Variants in EXOC2 observed in about 807,000 individuals in gnomAD.
EXOC2 encodes the protein SEC5-like 1.
Under a neutral mutation model 131.8 loss-of-function variants are expected in EXOC2, and 70 were observed. The observed-to-expected ratio is 0.53, with a 90% confidence interval of 0.44 to 0.65. The LOEUF (loss-of-function observed/expected upper bound fraction) is 0.65, where lower values mean the gene tolerates loss of function less well. Among genes scored for constraint, EXOC2 ranks in the 30% least tolerant of loss-of-function variants. EXOC2 has a pLI of 0.00. For missense variants in EXOC2, 923 were observed against 1,108.6 expected (o/e 0.83, Z 2.38); for synonymous variants, 411 against 398.4 (o/e 1.03, Z -0.38).
chr6:625,334 C>T (rs1314575369), intron 4 of EXOC2, among the ~76,000 whole-genome samples: 3 of 152,232 alleles, frequency 2.0e-5, no homozygotes, highest in Non-Finnish European at 2.9e-5. Flanking sequence ...TGTTATTCCG[C>T]GCTTGCGGCA....
At chr6:501,676 A>ATG (rs1764208373) in intron 23 of EXOC2, among the ~76,000 whole-genome samples, 1 of 119,822 alleles carries the variant, frequency 8.3e-6, no homozygotes, top group African/African-American at 3.2e-5. Context: ...TATAAAAGAT[A>ATG]TATATATCTA....
In EXOC2 at chr6:488,170, T is replaced by C. The variant is rs761282247; in HGVS notation, c.2681+809A>G. On this transcript the variant is annotated intron_variant, in intron 27 of 27. Transcript: ENST00000230449. ...ATGGTGGAAGGGCTGGTCTGCTGCC[T>C]GCTCTGTGCGTCGATGCCATGTGAC... 5.6e-4 allele frequency among the ~76,000 whole-genome samples: 85 copies of C among 152,286 alleles called. 1 individual carries two copies. Among genetic ancestry groups the C allele is most frequent in the Non-Finnish European group, 1.0e-3 (70 of 68,018 alleles).
intron 11 of EXOC2, among the ~76,000 whole-genome samples, chr6:580,046 T>TGG (rs1472236453): frequency 2.3e-5 from 2 of 85,124 alleles, no homozygotes; most frequent in Admixed American, 1.6e-4. Flanking sequence ...GCAGTTTTTT[T>TGG]TGTTTTTTTT....
At chr6:656,989 C>T (rs375336054) in intron 1 of EXOC2, 43 of 1,456,654 alleles carry the variant, frequency 3.0e-5, no homozygotes, top group Non-Finnish European at 3.1e-5. Flanking sequence ...GGGGATTCCG[C>T]GTGCCACAAG....
At chr6:627,630 G>A (rs1312222954) in intron 4 of EXOC2, among the ~76,000 whole-genome samples, 2 of 152,184 alleles carry the variant, frequency 1.3e-5, no homozygotes, top group African/African-American at 4.8e-5. Flanking sequence ...CTCCGAGACG[G>A]AGTGACGGTC....
chr6:637,946 A>G, intron 1 of EXOC2, 85 bp from the exon 2 acceptor site: 1 of 863,678 alleles, frequency 1.2e-6, no homozygotes, highest in South Asian at 1.6e-5. Context: ...AGTCAGTACC[A>G]AAATATAAAA....
At chr6:545,367 G>A (rs757723157) in intron 22 of EXOC2, among the ~76,000 whole-genome samples, 10 of 152,012 alleles carry the variant, frequency 6.6e-5, no homozygotes, top group Admixed American at 4.6e-4. Context: ...AAAATTATAC[G>A]CTGAAGTTTA....
At chr6:505,745 A>G (rs879628106) in intron 23 of EXOC2, among the ~76,000 whole-genome samples, 1 of 152,238 alleles carries the variant, frequency 6.6e-6, no homozygotes, top group Non-Finnish European at 1.5e-5. Context: ...TCCACAGCAC[A>G]GGGATCATCT....
rs781253542 is a variant in EXOC2 at position 486,679 on chromosome 6, T to G, written c.2767A>C (p.Lys923Gln). The G allele has an allele frequency of 6.2e-7, 1 of 1,613,994 alleles. No individual in the cohort carries two copies. Among genetic ancestry groups the G allele is most frequent in the Admixed American group, 1.7e-5 (1 of 60,010 alleles). Residue 923 changes from lysine (K) to glutamine (Q), a missense_variant, in exon 28 of 28, where the codon AAA becomes CAA. Coordinates refer to ENST00000230449, the MANE Select transcript of EXOC2 (RefSeq NM_018303.6). ...TTTTATGTGGCAGATATTTATGTTTTCATCATGGTTGAAGAAGCTGCTTGG... is the reference window on the plus strand; with the variant it reads ...TTTTATGTGGCAGATATTTATGTTTGCATCATGGTTGAAGAAGCTGCTTGG... ...CFQAASSTMM[K>Q]T
intron 1 of EXOC2, among the ~76,000 whole-genome samples, chr6:673,150 T>C (rs1763947544): frequency 6.7e-6 from 1 of 150,194 alleles, no homozygotes; most frequent in Non-Finnish European, 1.5e-5. Context: ...GGATACCGGC[T>C]ACTCATGAGG....
chr6:513,396 A>G (rs954823193), intron 23 of EXOC2, among the ~76,000 whole-genome samples: 15 of 152,278 alleles, frequency 9.9e-5, no homozygotes, highest in African/African-American at 3.6e-4. Context: ...CAAACCAAGG[A>G]GGAAAATGAG....
At chr6:618,261 A>G (rs74594650) in intron 5 of EXOC2, among the ~76,000 whole-genome samples, 16,603 of 152,266 alleles carry the variant, frequency 0.11, 1,146 homozygotes, top group Middle Eastern at 0.16. Flanking sequence ...AGCATTGTGG[A>G]ACACTAAGCA....
intron 22 of EXOC2, among the ~76,000 whole-genome samples, chr6:540,677 G>A (rs569866022): frequency 1.3e-5 from 2 of 152,228 alleles, no homozygotes; most frequent in South Asian, 4.2e-4. Context: ...GAAGAATAGA[G>A]TGAGAAGGTC....
rs1423933460 is a variant in EXOC2, at chr6:486,558, AAG to A, written c.*111_*112del. The A allele has an allele frequency of 9.4e-6, 9 of 956,864 alleles. No homozygotes were observed. The African/African-American group carries it at 9.9e-5, about 11-fold the overall frequency. The allele number at this position is 956,864 out of a possible 1,614,324, so 59.3% of individuals were successfully genotyped here. A position where few individuals can be genotyped will look rare whatever the true frequency, so the allele number is the denominator to read the frequency against. ...AATTTTCGAAGTCAGAGGAAGAAAA[AAG>A]AGAAAAATGGCAAACCCAATGTTTA... On this transcript the variant is annotated 3_prime_UTR_variant, in exon 28 of 28. Coordinates refer to ENST00000230449, the MANE Select transcript of EXOC2 (RefSeq NM_018303.6).
intron 17 of EXOC2, among the ~76,000 whole-genome samples, chr6:558,470 T>C (rs1207393669): frequency 6.6e-6 from 1 of 152,212 alleles, no homozygotes; most frequent in Non-Finnish European, 1.5e-5. Context: ...TGATAATTAT[T>C]ACTATAATAT....
chr6:516,935 G>A (rs1031994436), intron 23 of EXOC2, among the ~76,000 whole-genome samples: 1 of 152,206 alleles, frequency 6.6e-6, no homozygotes, highest in Non-Finnish European at 1.5e-5. Context: ...GACCACGGTA[G>A]AGGGAACGCA....
chr6:487,417 C>CT (rs1409433404), intron 27 of EXOC2, among the ~76,000 whole-genome samples: 1 of 151,818 alleles, frequency 6.6e-6, no homozygotes, highest in South Asian at 2.1e-4. Context: ...AATTTTTTTT[C>CT]TTTTTTTCAG....
At chr6:584,926 T>C (rs2127614364) in intron 11 of EXOC2, among the ~76,000 whole-genome samples, 1 of 152,344 alleles carries the variant, frequency 6.6e-6, no homozygotes, top group East Asian at 1.9e-4. Flanking sequence ...AAAAACACCT[T>C]TGAAGACCAC....
chr6:568,612 G>A (rs562168875), intron 13 of EXOC2, among the ~76,000 whole-genome samples: 4 of 152,248 alleles, frequency 2.6e-5, no homozygotes, highest in South Asian at 4.1e-4. Context: ...ATTCGTGGAC[G>A]CTTGCTTCAC....
Sources: gnomAD v4.1 joint callset for allele counts (sites outside exome capture counted in the v4.1 genomes callset) on GRCh38, gnomAD v4.1.1 for gene constraint, MANE v1.5 for transcripts, NCBI Gene and HGNC (gene_info 2026-07-23, HGNC 2026-07-21) for gene names.